UNC13A: variants seen among roughly 807,000 people sequenced by gnomAD.
The protein encoded by UNC13A is unc-13 homolog A.
In UNC13A, 61 loss-of-function variants were observed where a neutral mutation model predicts 219.7. That is an observed-to-expected ratio of 0.28 (90% CI 0.23 to 0.34). UNC13A has a LOEUF of 0.34. Among genes scored for constraint, UNC13A ranks in the 10% least tolerant of loss-of-function variants. The probability of loss-of-function intolerance (pLI) is 1.00; values close to 1 mark genes in which losing one functional copy is unlikely to be tolerated. For synonymous variants in UNC13A, 920 were observed against 884.6 expected (o/e 1.04, Z -0.71); for missense variants, 1,476 against 2,270.3 (o/e 0.65, Z 7.11).
chr19:17,649,565 T>C lies in UNC13A; in HGVS notation c.1462A>G (p.Ile488Val). 6.2e-7 allele frequency: 1 copy of C among 1,613,824 alleles called. No homozygotes were observed. Among genetic ancestry groups the C allele is most frequent in the Admixed American group, 1.7e-5 (1 of 60,004 alleles). The change falls in exon 13 of 44, where the codon ATC (isoleucine) becomes GTC (valine). Residue 488 changes from isoleucine (I) to valine (V), a missense_variant. By Grantham distance (29) the Ile-to-Val change is conservative (BLOSUM62 3). Coordinates refer to ENST00000519716, the MANE Select transcript of UNC13A (RefSeq NM_001080421.3). This position sits in a 1 kb window ranked among gnomAD's most constrained non-coding sequence, Gnocchi z 4.4. ...TTGCGGATGTCTGGCATGCTGTCGA[T>C]GATGATGAGACCGCCCCCTGGGCTG... is the stretch of plus-strand genomic sequence containing the variant. The part of the protein sequence containing the change: ...KGGPGGGLII[I>V]DSMPDIRKRK...
At chr19:17,637,360 C>T (rs541613587) in intron 25 of UNC13A, among the ~76,000 whole-genome samples, 5 of 150,710 alleles carry the variant, frequency 3.3e-5, no homozygotes, top group African/African-American at 9.8e-5. Flanking sequence ...TGCAGTGATG[C>T]GATCTCAGCT....
chr19:17,610,157 T>A, intron 42 of UNC13A, 58 bp from the exon 43 acceptor site: 1 of 1,606,958 alleles, frequency 6.2e-7, no homozygotes, highest in Non-Finnish European at 8.5e-7. Flanking sequence ...AAAAAGTAGA[T>A]GTTTGTGGCT....
At chr19:17,646,388 G>A (rs2077026930) in intron 17 of UNC13A, among the ~76,000 whole-genome samples, 1 of 152,038 alleles carries the variant, frequency 6.6e-6, no homozygotes, top group Admixed American at 6.6e-5. Flanking sequence ...CAAGTAGCTG[G>A]GATTACCCGC....
rs35723230 is a variant in UNC13A at position 17,646,269 on chromosome 19, G to GTGTTTGTGTGTT, written c.2045-159_2045-158insAACACACAAACA. ...TGGGCTTGCCAGAGAGGTTTTTTGT[G>GTGTTTGTGTGTT]TGTTTGTTTGTTTGTTTGTTTGTTT... On this transcript the variant is annotated intron_variant, in intron 17 of 43. Coordinates refer to ENST00000519716, the MANE Select transcript of UNC13A (RefSeq NM_001080421.3). 3.7e-3 allele frequency among the ~76,000 whole-genome samples: 563 copies of GTGTTTGTGTGTT among 150,852 alleles called. 3 individuals are homozygous for GTGTTTGTGTGTT. The highest frequency in any genetic ancestry group is 0.012 in the African/African-American group (487 of 40,910).
chr19:17,678,060 G>C (rs1418581720), intron 1 of UNC13A, among the ~76,000 whole-genome samples: 2 of 152,166 alleles, frequency 1.3e-5, no homozygotes, highest in South Asian at 2.1e-4. Flanking sequence ...CTCCCATCCC[G>C]GGTTTGTATC....
intron 23 of UNC13A, 121 bp from the exon 24 acceptor site, chr19:17,639,646 G>A (rs775206340): frequency 4.9e-6 from 6 of 1,222,382 alleles, no homozygotes; most frequent in Admixed American, 4.3e-5. Context: ...AGAGCACCTC[G>A]AAGCAACTGG....
chr19:17,628,666 T>C (rs1168675508), intron 31 of UNC13A, among the ~76,000 whole-genome samples: 1 of 151,912 alleles, frequency 6.6e-6, no homozygotes, highest in Non-Finnish European at 1.5e-5. Flanking sequence ...CACACATACA[T>C]ACACTCACAC....
At chr19:17,619,170 A>C in intron 38 of UNC13A, 1 of 557,516 alleles carries the variant, frequency 1.8e-6, no homozygotes, top group Non-Finnish European at 3.2e-6. Context: ...ATAGTCCCCC[A>C]CCCTCTCAGC....
rs543761140 is a variant in UNC13A at position 17,682,671 on chromosome 19, C to T, written c.22+5507G>A. ...GTATCAGGGACTGAGTAGCCAGGAACGGAGGGATGTGTGAAGGCTTCTTAG... is the reference window on the plus strand; with the variant it reads ...GTATCAGGGACTGAGTAGCCAGGAATGGAGGGATGTGTGAAGGCTTCTTAG... On this transcript the variant is annotated intron_variant, in intron 1 of 43. Coordinates refer to ENST00000519716, the MANE Select transcript of UNC13A (RefSeq NM_001080421.3). Among the ~76,000 whole-genome samples the T allele has an allele frequency of 4.6e-5, 7 of 152,222 alleles. No individual in the cohort carries two copies. In the East Asian group the frequency reaches 1.4e-3, roughly 29 times the overall value.
rs182617208 is a variant in UNC13A, at chr19:17,669,309, C to T, written c.394+244G>A. Among the ~76,000 whole-genome samples, 278 of 152,278 alleles carry T rather than the reference C, an allele frequency of 1.8e-3. 1 individual carries two copies. Among genetic ancestry groups the T allele is most frequent in the African/African-American group, 6.4e-3 (265 of 41,564 alleles). ...AGGATAGCTCAACCCTGAACGCCCT[C>T]GGTCGTGAAGCACTTGCAGCTCACT... On this transcript the variant is annotated intron_variant, in intron 5 of 43. Coordinates refer to ENST00000519716, the MANE Select transcript of UNC13A (RefSeq NM_001080421.3).
rs1353790240 is a variant in UNC13A, at chr19:17,602,415, C to CCTCAAT, written c.*3633_*3638dup. 1.3e-5 allele frequency: 2 copies of CCTCAAT among 152,216 alleles called. No individual in the cohort carries two copies. Among genetic ancestry groups the CCTCAAT allele is most frequent in the Non-Finnish European group, 2.9e-5 (2 of 68,064 alleles). 9.4% of individuals were successfully genotyped at this position (152,216 alleles called of 1,614,324 possible). Reference sequence around the variant, plus strand: ...CAGGGGACTTTGACTCTGAGGCATCCCTCAATGTCACCCCTTTAACCCTTG... The same window carrying CCTCAAT: ...CAGGGGACTTTGACTCTGAGGCATCCCTCAATCTCAATGTCACCCCTTTAACCCTTG... On this transcript the variant is annotated 3_prime_UTR_variant, in exon 44 of 44. Transcript: ENST00000519716.
intron 11 of UNC13A, among the ~76,000 whole-genome samples, chr19:17,653,228 C>T (rs2079383722): frequency 6.6e-6 from 1 of 151,956 alleles, no homozygotes; most frequent in South Asian, 2.1e-4. Flanking sequence ...CTATATTGCC[C>T]AGACTGGTCT....
In UNC13A at chr19:17,611,745, C is replaced by T. The variant is rs1310571512; in HGVS notation, c.4651+18G>A. 1.2e-6 allele frequency: 2 copies of T among 1,611,266 alleles called. No homozygotes were observed. Among genetic ancestry groups the T allele is most frequent in the East Asian group, 4.5e-5 (2 of 44,842 alleles). On this transcript the variant is annotated intron_variant, in intron 42 of 43. Coordinates refer to ENST00000519716, the MANE Select transcript of UNC13A (RefSeq NM_001080421.3). Reference sequence around the variant, plus strand: ...TGTTTTAGAACCTAGCAAGTCCCTCCCACCTCAGACCACTCACCTTTCACT... The same window carrying T: ...TGTTTTAGAACCTAGCAAGTCCCTCTCACCTCAGACCACTCACCTTTCACT...
At chr19:17,678,056 T>A (rs2079932961) in intron 1 of UNC13A, among the ~76,000 whole-genome samples, 1 of 152,200 alleles carries the variant, frequency 6.6e-6, no homozygotes, top group Admixed American at 6.5e-5. Context: ...CAGCCTCCCA[T>A]CCCGGGTTTG....
chr19:17,632,203 GC>G (rs1159708356), intron 28 of UNC13A, among the ~76,000 whole-genome samples: 7 of 152,184 alleles, frequency 4.6e-5, no homozygotes, highest in African/African-American at 1.7e-4. Flanking sequence ...GAGCCACTGC[GC>G]CCGGCCAATT....
intron 1 of UNC13A, among the ~76,000 whole-genome samples, chr19:17,680,879 C>CTTTTTTTTTTTTTTTTTTTTTTT (rs2079996579): frequency 1.2e-5 from 1 of 80,196 alleles, no homozygotes; most frequent in Non-Finnish European, 2.6e-5. Context: ...CTTTTTTTTT[C>CTTTTTTTTTTTTTTTTTTTTTTT]TTTTCTTTTC....
At position 17,611,808 on chromosome 19, in the gene UNC13A, G is replaced by C; in HGVS notation, c.4606C>G (p.Leu1536Val). The change falls in exon 42 of 44, where the codon CTG (leucine) becomes GTG (valine). Residue 1536 changes from leucine (L) to valine (V), a missense_variant. Transcript: ENST00000519716. ...PVGEVSVHVELFTHPGTGEHK... is the reference protein window; with the variant it reads ...PVGEVSVHVEVFTHPGTGEHK... Reference sequence around the variant, plus strand: ...TCCCCAGTTCCTGGATGAGTGAACAGCTCAACATGGACAGAGACTTCACCC... The same window carrying C: ...TCCCCAGTTCCTGGATGAGTGAACACCTCAACATGGACAGAGACTTCACCC... 1 of 1,614,172 alleles carries C rather than the reference G, an allele frequency of 6.2e-7. No individual in the cohort carries two copies. The highest frequency in any genetic ancestry group is 2.2e-5 in the East Asian group (1 of 44,886).
At chr19:17,682,136 T>G (rs1176267835) in intron 1 of UNC13A, among the ~76,000 whole-genome samples, 1 of 152,014 alleles carries the variant, frequency 6.6e-6, no homozygotes, top group Non-Finnish European at 1.5e-5. Flanking sequence ...TGTATTTTAG[T>G]AAAGACAGGG....
chr19:17,628,311 CGTGT>C, intron 31 of UNC13A: 5 of 202,066 alleles, frequency 2.5e-5, no homozygotes, highest in South Asian at 9.8e-5. Flanking sequence ...ACACTGAAGG[CGTGT>C]GCCCTCACCC....
Sources: gnomAD v4.1 joint callset for allele counts (sites outside exome capture counted in the v4.1 genomes callset) on GRCh38, gnomAD v4.1.1 for gene constraint, Gnocchi (gnomAD v3.1) non-coding constraint, MANE v1.5 for transcripts, NCBI Gene and HGNC (gene_info 2026-07-23, HGNC 2026-07-21) for gene names.